MLXIP: variants seen among roughly 807,000 people sequenced by gnomAD.
MLXIP encodes the protein MLX interacting protein.
Under a neutral mutation model 87.2 loss-of-function variants are expected in MLXIP, and 30 were observed. The observed-to-expected ratio is 0.34, with a 90% CI of 0.26 to 0.47. The LOEUF (loss-of-function observed/expected upper bound fraction) is 0.47. Ranked by LOEUF, MLXIP falls within the 20% of genes least tolerant of loss-of-function variation. The probability of loss-of-function intolerance (pLI) is 1.00; values close to 1 mark genes in which losing one functional copy is unlikely to be tolerated. For missense variants in MLXIP, 1,002 were observed against 1,240.1 expected, an observed-to-expected ratio of 0.81 and a Z score of 2.88; for synonymous variants, 530 against 514.0, an observed-to-expected ratio of 1.03 and a Z score of -0.42.
intron 1 of MLXIP, among the ~76,000 whole-genome samples, chr12:122,124,933 G>A (rs1458844661): frequency 6.6e-6 from 1 of 152,142 alleles, no homozygotes; most frequent in Non-Finnish European, 1.5e-5. Flanking sequence ...TTGGGAGGCC[G>A]AGGCAGGCAG....
intron 1 of MLXIP, among the ~76,000 whole-genome samples, chr12:122,083,909 G>A (rs1475327122): frequency 1.3e-5 from 2 of 152,098 alleles, no homozygotes; most frequent in African/African-American, 4.8e-5. Flanking sequence ...GCAGTCATAC[G>A]GAAGATAAGC....
chr12:122,085,055 C>T lies in MLXIP; in HGVS notation c.413+5789C>T, dbSNP rs560896166. Among the ~76,000 whole-genome samples the T allele has an allele frequency of 9.9e-5, 15 of 152,220 alleles. No individual in the cohort carries two copies. In the East Asian group the frequency reaches 1.7e-3, roughly 18 times the overall value. On this transcript the variant is annotated intron_variant, in intron 1 of 16. Transcript: ENST00000319080. ...CCTACCTTATCTGCCCACAAAAGCC[C>T]GGCTTCTGTTAGAGGAGAGTGCAAA...
chr12:122,088,577 G>A (rs1326054420), intron 1 of MLXIP, among the ~76,000 whole-genome samples: 1 of 152,164 alleles, frequency 6.6e-6, no homozygotes, highest in African/African-American at 2.4e-5. Context: ...ACAAGAAGAT[G>A]GAACAGCTCC....
chr12:122,138,178 G>A lies in MLXIP; in HGVS notation c.2155-16G>A. On this transcript the variant is annotated splice_polypyrimidine_tract_variant and intron_variant, in intron 12 of 16. Transcript: ENST00000319080. ...TGCAATGTGCCTGTCTTAGTGACCA[G>A]CGGGTTCTCCAGCAGAACCGGCAGA... The A allele has an allele frequency of 6.3e-7, 1 of 1,585,650 alleles. No homozygotes were observed. The highest frequency in any genetic ancestry group is 8.6e-7 in the Non-Finnish European group (1 of 1,166,006).
chr12:122,139,337 C>G (rs1953155171), intron 15 of MLXIP, among the ~76,000 whole-genome samples: 1 of 152,206 alleles, frequency 6.6e-6, no homozygotes, highest in Non-Finnish European at 1.5e-5. Context: ...AGGCGGAAAC[C>G]AGGACTCCCT....
intron 8 of MLXIP, chr12:122,132,628 A>G: frequency 2.0e-6 from 1 of 502,050 alleles, no homozygotes; most frequent in Non-Finnish European, 3.5e-6. Flanking sequence ...CAGGTAACCT[A>G]TGTGCAGCTA....
intron 1 of MLXIP, among the ~76,000 whole-genome samples, chr12:122,093,245 GGT>G (rs1314478209): frequency 1.1e-4 from 17 of 148,488 alleles, no homozygotes; most frequent in Non-Finnish European, 2.5e-4. Flanking sequence ...GGTATGTGTT[GGT>G]GTGTGTGCAG....
intron 1 of MLXIP, among the ~76,000 whole-genome samples, chr12:122,121,014 T>TTTTTTTG (rs1173937688): frequency 2.2e-5 from 2 of 92,780 alleles, no homozygotes; most frequent in Admixed American, 1.1e-4. Context: ...TGCTTGGTTT[T>TTTTTTTG]TTTTTTTTTT....
Position 122,137,516 on chromosome 12 carries a change from C to T in MLXIP, c.2080C>T (p.Gln694Ter). 6.2e-7 allele frequency: 1 copy of T among 1,614,030 alleles called. No individual in the cohort carries two copies. The highest frequency in any genetic ancestry group is 8.5e-7 in the Non-Finnish European group (1 of 1,179,892). ...SGQASPCASEQSPSPQSPQNN... is the reference protein window; with the variant it reads ...SGQASPCASE ...GCAGGCCTCTCCGTGTGCATCGGAG[C>T]AGAGCCCCAGTCCTCAATCTCCCCA... The change falls in exon 12 of 17, where the codon CAG becomes TAG. Residue 694 changes from glutamine (Q) to a stop codon, truncating the protein, a stop_gained. Coordinates refer to ENST00000319080, the MANE Select transcript of MLXIP (RefSeq NM_014938.6). LOFTEE classifies it high-confidence loss of function. This position sits in a 1 kb window ranked among gnomAD's most constrained non-coding sequence, Gnocchi z 4.1.
chr12:122,137,171 A>G lies in MLXIP; in HGVS notation c.2033-298A>G. On this transcript the variant is annotated intron_variant, in intron 11 of 16. Transcript: ENST00000319080. This position sits in a 1 kb window ranked among gnomAD's most constrained non-coding sequence, Gnocchi z 4.1. ...TTTTTAATTAAAAAATATAATAATA[A>G]TAAAGAGCCCACCTGCGAAATATCT... is the stretch of plus-strand genomic sequence containing the variant. 1 of 204,866 alleles carries G rather than the reference A, an allele frequency of 4.9e-6. No homozygotes were observed. Among genetic ancestry groups the G allele is most frequent in the Non-Finnish European group, 9.7e-6 (1 of 103,286 alleles). The allele number at this position is 204,866 out of a possible 1,614,324, so 12.7% of individuals were successfully genotyped here.
chr12:122,103,199 GTATTTATTTATTTATTTATT>G (rs754355713), intron 1 of MLXIP, among the ~76,000 whole-genome samples: 1,192 of 93,838 alleles, frequency 0.013, 15 homozygotes, highest in African/African-American at 0.039. Flanking sequence ...ATGTATGTAT[GTATTTATTTATTTATTTATT>G]TATTTATTTA....
Position 122,141,675 on chromosome 12 carries a change from C to A in MLXIP, c.2639-16C>A. ...GTCTGTGTCACTGCCTGTGTCTGAC[C>A]CTTTCTGTCTTGCAGTGGTATTGAG... On this transcript the variant is annotated splice_polypyrimidine_tract_variant and intron_variant, in intron 16 of 16. Transcript: ENST00000319080. 1.2e-6 allele frequency: 2 copies of A among 1,612,750 alleles called. No individual in the cohort carries two copies. The highest frequency in any genetic ancestry group is 2.2e-5 in the East Asian group (1 of 44,852).
chr12:122,138,052 C>T (rs759085647), intron 12 of MLXIP, 142 bp from the exon 13 acceptor site: 9 of 677,106 alleles, frequency 1.3e-5, no homozygotes, highest in African/African-American at 3.6e-5. Flanking sequence ...TCATTGGAGC[C>T]TTCAGCTTCT....
chr12:122,122,524 C>T (rs1421713351), intron 1 of MLXIP, among the ~76,000 whole-genome samples: 1 of 151,906 alleles, frequency 6.6e-6, no homozygotes, highest in Non-Finnish European at 1.5e-5. Flanking sequence ...CTACCACTCC[C>T]TGCTACTTTT....
chr12:122,089,269 G>A (rs1405895093), intron 1 of MLXIP, among the ~76,000 whole-genome samples: 1 of 152,114 alleles, frequency 6.6e-6, no homozygotes, highest in Non-Finnish European at 1.5e-5. Context: ...ACAATGGGCT[G>A]CCTCATTTTA....
chr12:122,120,718 C>A (rs1241495661), intron 1 of MLXIP, among the ~76,000 whole-genome samples: 2 of 152,172 alleles, frequency 1.3e-5, no homozygotes, highest in Non-Finnish European at 2.9e-5. Flanking sequence ...TCCACCTCCA[C>A]CCCCTCTTCA....
intron 1 of MLXIP, among the ~76,000 whole-genome samples, chr12:122,125,940 G>A (rs1952874858): frequency 6.6e-6 from 1 of 152,224 alleles, no homozygotes. Context: ...TGCTGCTCAG[G>A]CGCCTCCTGT....
At chr12:122,125,990 G>A (rs940154115) in intron 1 of MLXIP, among the ~76,000 whole-genome samples, 3 of 152,216 alleles carry the variant, frequency 2.0e-5, no homozygotes, top group Non-Finnish European at 2.9e-5. Flanking sequence ...GGCTTGCCAC[G>A]TGGCCTTTCT....
At chr12:122,080,143 A>G (rs1215555429) in intron 1 of MLXIP, among the ~76,000 whole-genome samples, 3 of 152,062 alleles carry the variant, frequency 2.0e-5, no homozygotes, top group East Asian at 3.8e-4. Context: ...CTTTCCCACT[A>G]TGAATATTAG....
Sources: allele counts gnomAD v4.1 joint callset (sites outside exome capture counted in the v4.1 genomes callset), GRCh38; gene constraint gnomAD v4.1.1; non-coding constraint Gnocchi (gnomAD v3.1); transcripts MANE v1.5; gene names NCBI Gene and HGNC (gene_info 2026-07-23, HGNC 2026-07-21).